Variants in CACNG4 observed in about 807,000 individuals in gnomAD.
CACNG4 encodes the protein calcium voltage-gated channel auxiliary subunit gamma 4, also known as voltage-dependent calcium channel gamma-4 subunit.
In CACNG4, 8 loss-of-function variants were observed where a neutral mutation model predicts 22.9. The ratio of observed to expected loss-of-function variants is 0.35; its 90% CI spans 0.21 to 0.63. The LOEUF (loss-of-function observed/expected upper bound fraction) is 0.63, where lower values mean the gene tolerates loss of function less well. CACNG4 is among the 30% of genes least tolerant of loss of function. CACNG4 has a pLI of 0.72. For synonymous variants in CACNG4, 188 were observed against 191.9 expected (o/e 0.98, Z 0.17); for missense variants, 357 against 455.4 (o/e 0.78, Z 1.97).
At chr17:67,003,915 G>A (rs1430160174) in intron 1 of CACNG4, among the ~76,000 whole-genome samples, 3 of 152,122 alleles carry the variant, frequency 2.0e-5, no homozygotes, top group Non-Finnish European at 4.4e-5. Context: ...AAGTGAGTGG[G>A]GTGAAGTGGA....
At chr17:66,979,670 T>C (rs2035259306) in intron 1 of CACNG4, among the ~76,000 whole-genome samples, 1 of 150,916 alleles carries the variant, frequency 6.6e-6, no homozygotes, top group East Asian at 2.0e-4. Flanking sequence ...ATGAAAAGCA[T>C]CCCAAGCCCA....
intron 1 of CACNG4, among the ~76,000 whole-genome samples, chr17:66,975,584 C>T (rs2035231241): frequency 6.6e-6 from 1 of 152,172 alleles, no homozygotes; most frequent in Admixed American, 6.5e-5. Flanking sequence ...ATATTCAAAA[C>T]ATATCATCGC....
At chr17:66,994,688 C>T (rs550950741) in intron 1 of CACNG4, among the ~76,000 whole-genome samples, 20 of 152,232 alleles carry the variant, frequency 1.3e-4, no homozygotes, top group Non-Finnish European at 2.8e-4. Flanking sequence ...CCGTTTTCTC[C>T]TCTGTGAAAT....
At chr17:66,970,749 T>A (rs2035199126) in intron 1 of CACNG4, among the ~76,000 whole-genome samples, 1 of 152,212 alleles carries the variant, frequency 6.6e-6, no homozygotes, top group Admixed American at 6.5e-5. Context: ...ACACAGAGGA[T>A]TATGTCTTCA....
At chr17:66,997,571 C>CT (rs1417050159) in intron 1 of CACNG4, among the ~76,000 whole-genome samples, 2 of 152,218 alleles carry the variant, frequency 1.3e-5, no homozygotes, top group Non-Finnish European at 2.9e-5. Context: ...AATCCCAGCA[C>CT]TTTTGGAGGC....
intron 1 of CACNG4, among the ~76,000 whole-genome samples, chr17:67,013,673 C>T (rs1490220701): frequency 6.6e-6 from 1 of 152,060 alleles, no homozygotes; most frequent in Non-Finnish European, 1.5e-5. Context: ...GGCTTAGTGG[C>T]ATGCACCTGT....
intron 1 of CACNG4, among the ~76,000 whole-genome samples, chr17:66,991,340 A>AC (rs911750635): frequency 5.9e-5 from 9 of 151,948 alleles, no homozygotes; most frequent in East Asian, 3.9e-4. Flanking sequence ...AAACAAACAA[A>AC]AAAAAACACT....
intron 2 of CACNG4, among the ~76,000 whole-genome samples, chr17:67,021,155 C>T (rs1453177680): frequency 2.0e-5 from 3 of 151,764 alleles, no homozygotes; most frequent in African/African-American, 4.8e-5. Context: ...GAGCCACGAT[C>T]GTGCCACTGC....
Position 67,031,033 on chromosome 17 carries a change from C to G in CACNG4, c.*29C>G. On this transcript the variant is annotated 3_prime_UTR_variant, in exon 4 of 4. Coordinates refer to ENST00000262138, the MANE Select transcript of CACNG4 (RefSeq NM_014405.4). The surrounding 1 kb of genome is among the most constrained non-coding windows in gnomAD (Gnocchi z 4.0). The stretch of plus-strand genomic sequence containing the variant: ...GCCTGCCCTTTCTCTCCGCTCCAGC[C>G]TCTCCCCAGAACGGCTCTTTTTGTC... 1 of 1,592,838 alleles carries G rather than the reference C, an allele frequency of 6.3e-7. No homozygotes were observed. Among genetic ancestry groups the G allele is most frequent in the African/African-American group, 1.3e-5 (1 of 74,670 alleles).
Position 67,030,471 on chromosome 17 carries a change from A to G in CACNG4, c.451A>G (p.Ser151Gly). 6.2e-7 allele frequency: 1 copy of G among 1,613,072 alleles called. No individual in the cohort carries two copies. The highest frequency in any genetic ancestry group is 8.5e-7 in the Non-Finnish European group (1 of 1,179,262). Residue 151 changes from serine to glycine, a missense_variant, in exon 4 of 4, where the codon AGT (serine) becomes GGT (glycine). This residue lies in a region of CACNG4 where 240 missense variants were observed against 277.6 expected (regional missense o/e 0.86). Transcript: ENST00000262138. The surrounding 1 kb of genome is among the most constrained non-coding windows in gnomAD (Gnocchi z 6.4). The stretch of plus-strand genomic sequence containing the variant: ...GCTCCCCGCTTCCCTTTCAGGCCTC[A>G]GTAACATCATCGGTATCATCGTCTA... ...AGILFVAAGLSNIIGIIVYIS... is the reference protein window; with the variant it reads ...AGILFVAAGLGNIIGIIVYIS...
Position 66,985,943 on chromosome 17 carries a change from G to GA in CACNG4, c.220+20822dup, listed in dbSNP as rs144835669. 5.1e-3 allele frequency among the ~76,000 whole-genome samples: 758 copies of GA among 147,808 alleles called. 1 individual carries two copies. The highest frequency in any genetic ancestry group is 6.9e-3 in the African/African-American group (279 of 40,260). ...ATGAACACAAGTTTGTTTAAAAAAG[G>GA]AAAAAAAAAAGAAGAAGAAGAAGAA... On this transcript the variant is annotated intron_variant, in intron 1 of 3. Transcript: ENST00000262138.
Position 67,024,878 on chromosome 17 carries a change from G to A in CACNG4, c.323G>A (p.Ser108Asn). ...EYLLRIVRASSVFPILSTILL... is the reference protein window; with the variant it reads ...EYLLRIVRASNVFPILSTILL... The stretch of plus-strand genomic sequence containing the variant: ...CGGCCAGGCATCGTGCGAGCCTCCA[G>A]CGTCTTCCCCATCCTCAGCACCATC... The change falls in exon 3 of 4, where the codon AGC becomes AAC. Residue 108 changes from serine (S) to asparagine (N), a missense_variant. This residue lies in a region of CACNG4 where 114 missense variants were observed against 161.6 expected (regional missense o/e 0.71). Coordinates refer to ENST00000262138, the MANE Select transcript of CACNG4 (RefSeq NM_014405.4). 1 of 1,576,496 alleles carries A rather than the reference G, an allele frequency of 6.3e-7. No homozygotes were observed. The highest frequency in any genetic ancestry group is 8.6e-7 in the Non-Finnish European group (1 of 1,163,382).
rs79869899 is a variant in CACNG4 at position 67,004,550 on chromosome 17, C to T, written c.221-13639C>T. Among the ~76,000 whole-genome samples the T allele has an allele frequency of 9.6e-3, 1,466 of 152,188 alleles. 24 individuals are homozygous for T. Among genetic ancestry groups the T allele is most frequent in the African/African-American group, 0.033 (1,364 of 41,514 alleles). On this transcript the variant is annotated intron_variant, in intron 1 of 3. Transcript: ENST00000262138. ...TCTCCAGGGAACCCATGCTTATTTT[C>T]GTGTCTTAGAAAGTGTTGCAGACCT...
In CACNG4 at chr17:67,027,888, C is replaced by A. The variant is rs2035577526; in HGVS notation, c.446-2578C>A. 6.6e-6 allele frequency among the ~76,000 whole-genome samples: 1 copy of A among 152,044 alleles called. No individual in the cohort carries two copies. Among genetic ancestry groups the A allele is most frequent in the African/African-American group, 2.4e-5 (1 of 41,396 alleles). On this transcript the variant is annotated intron_variant, in intron 3 of 3. Coordinates refer to ENST00000262138, the MANE Select transcript of CACNG4 (RefSeq NM_014405.4). This position sits in a 1 kb window ranked among gnomAD's most constrained non-coding sequence, Gnocchi z 4.3. ...TACAAAAATTAGCTGGGTTTGGTGG[C>A]AGGTGCCTGTAATCCCAGCTACTTG...
chr17:67,023,148 C>T (rs1158338978), intron 2 of CACNG4, among the ~76,000 whole-genome samples: 5 of 152,246 alleles, frequency 3.3e-5, no homozygotes, highest in Non-Finnish European at 5.9e-5. Context: ...AGCCCCTTCT[C>T]CCCTGTGTCT....
At position 67,031,070 on chromosome 17, in the gene CACNG4, C is replaced by G; in HGVS notation, c.*66C>G. 2 of 1,501,726 alleles carry G rather than the reference C, an allele frequency of 1.3e-6. No homozygotes were observed. The highest frequency in any genetic ancestry group is 2.5e-5 in the South Asian group (2 of 80,280). 93.0% of individuals were successfully genotyped at this position (1,501,726 alleles called of 1,614,324 possible). On this transcript the variant is annotated 3_prime_UTR_variant, in exon 4 of 4. Coordinates refer to ENST00000262138, the MANE Select transcript of CACNG4 (RefSeq NM_014405.4). The surrounding 1 kb of genome is among the most constrained non-coding windows in gnomAD (Gnocchi z 4.0). ...CGGCTCTTTTTGTCACACAGGATGGCATGTGATCCTCAAGACGACGAACAA... is the reference window on the plus strand; with the variant it reads ...CGGCTCTTTTTGTCACACAGGATGGGATGTGATCCTCAAGACGACGAACAA...
chr17:67,013,811 A>T (rs1027077566), intron 1 of CACNG4, among the ~76,000 whole-genome samples: 1 of 151,884 alleles, frequency 6.6e-6, no homozygotes, highest in African/African-American at 2.4e-5. Context: ...CTCAAAAAAA[A>T]AAAAGAAATA....
chr17:67,022,958 C>T (rs543005875), intron 2 of CACNG4, among the ~76,000 whole-genome samples: 3 of 152,324 alleles, frequency 2.0e-5, no homozygotes, highest in East Asian at 1.9e-4. Flanking sequence ...ATCAAAACTG[C>T]GTGACCTGCA....
intron 1 of CACNG4, among the ~76,000 whole-genome samples, chr17:66,972,673 C>T (rs922520538): frequency 6.6e-6 from 1 of 152,170 alleles, no homozygotes; most frequent in Non-Finnish European, 1.5e-5. Context: ...CGCCTGTAAT[C>T]CCAGCACTTT....
Sources: gnomAD v4.1 joint callset for allele counts (sites outside exome capture counted in the v4.1 genomes callset) on GRCh38, gnomAD v4.1.1 for gene constraint, gnomAD v4.1.1 regional missense constraint, Gnocchi (gnomAD v3.1) non-coding constraint, MANE v1.5 for transcripts, NCBI Gene and HGNC (gene_info 2026-07-23, HGNC 2026-07-21) for gene names.